Variants in OPCML observed in about 807,000 individuals in gnomAD.
OPCML encodes opioid-binding protein/cell adhesion molecule.
OPCML carries 13 observed loss-of-function variants against 37.8 expected under a neutral mutation model. The ratio of observed to expected loss-of-function variants is 0.34; its 90% CI spans 0.22 to 0.55. The LOEUF is 0.55. Among genes scored for constraint, OPCML ranks in the 20% least tolerant of loss-of-function variants. OPCML has a pLI of 0.91. For missense variants in OPCML, 341 were observed against 435.6 expected, an observed-to-expected ratio of 0.78 and a Z score of 1.93; for synonymous variants, 176 against 168.8, an observed-to-expected ratio of 1.04 and a Z score of -0.33.
At chr11:133,467,187 C>T (rs924911816) in intron 1 of OPCML, among the ~76,000 whole-genome samples, 2 of 152,146 alleles carry the variant, frequency 1.3e-5, no homozygotes, top group Non-Finnish European at 2.9e-5. Flanking sequence ...ACTGCCAGGC[C>T]CAATGCTGGG....
chr11:133,149,575 C>T (rs963092582), intron 1 of OPCML, among the ~76,000 whole-genome samples: 1 of 152,214 alleles, frequency 6.6e-6, no homozygotes, highest in Non-Finnish European at 1.5e-5. Context: ...ATTCTCTCAA[C>T]CCCCACCCGC....
intron 2 of OPCML, among the ~76,000 whole-genome samples, chr11:132,900,821 A>G (rs1944035041): frequency 6.6e-6 from 1 of 152,130 alleles, no homozygotes; most frequent in Non-Finnish European, 1.5e-5. Flanking sequence ...CAAATTGGCA[A>G]CAGGCAGTTC....
intron 3 of OPCML, among the ~76,000 whole-genome samples, chr11:132,605,423 G>C (rs962928884): frequency 5.3e-5 from 8 of 151,892 alleles, no homozygotes; most frequent in African/African-American, 1.9e-4. Context: ...AGTTAGCTGA[G>C]TGTGATGGCA....
chr11:133,363,249 G>A (rs1186506237), intron 1 of OPCML, among the ~76,000 whole-genome samples: 1 of 152,202 alleles, frequency 6.6e-6, no homozygotes, highest in Non-Finnish European at 1.5e-5. Flanking sequence ...TGGAGACAGC[G>A]CTTCCTACAC....
chr11:132,904,775 G>A (rs537956999), intron 2 of OPCML, among the ~76,000 whole-genome samples: 10 of 152,330 alleles, frequency 6.6e-5, no homozygotes, highest in South Asian at 2.1e-4. Flanking sequence ...TTAGCAGCCC[G>A]CACCCTGGGC....
intron 2 of OPCML, among the ~76,000 whole-genome samples, chr11:132,663,548 G>C (rs1449862750): frequency 1.3e-5 from 2 of 152,198 alleles, no homozygotes; most frequent in Non-Finnish European, 2.9e-5. Context: ...TTGCACCTGT[G>C]TTCACCACAC....
At chr11:132,912,157 T>TAA (rs11390129) in intron 2 of OPCML, among the ~76,000 whole-genome samples, 17,825 of 147,576 alleles carry the variant, frequency 0.12, 3,509 homozygotes, top group African/African-American at 0.41. Context: ...AAGACTCCAA[T>TAA]AAAAAAAAAA....
At chr11:133,229,354 T>A (rs1040745814) in intron 1 of OPCML, among the ~76,000 whole-genome samples, 1 of 152,230 alleles carries the variant, frequency 6.6e-6, no homozygotes, top group Non-Finnish European at 1.5e-5. Flanking sequence ...ATTGTCTTGG[T>A]ATTGCAGTGT....
intron 3 of OPCML, among the ~76,000 whole-genome samples, chr11:132,651,332 A>T (rs1941417975): frequency 6.6e-6 from 1 of 152,204 alleles, no homozygotes. Context: ...CTGGTCTTGG[A>T]AAGGTGTGCC....
chr11:133,200,821 A>G (rs1015129406), intron 1 of OPCML, among the ~76,000 whole-genome samples: 1 of 152,260 alleles, frequency 6.6e-6, no homozygotes, highest in Non-Finnish European at 1.5e-5. Flanking sequence ...CCATAAAGAC[A>G]TATACACCCA....
At chr11:132,685,948 G>A (rs182312831) in intron 2 of OPCML, among the ~76,000 whole-genome samples, 22 of 152,266 alleles carry the variant, frequency 1.4e-4, no homozygotes, top group African/African-American at 4.6e-4. Flanking sequence ...GAACAACAAC[G>A]TCCTTTGGGC....
At chr11:132,786,043 G>A (rs1256405844) in intron 2 of OPCML, among the ~76,000 whole-genome samples, 1 of 152,076 alleles carries the variant, frequency 6.6e-6, no homozygotes, top group Admixed American at 6.6e-5. Flanking sequence ...AATATCAAAG[G>A]TTCTCTTTAC....
At chr11:132,682,042 T>C (rs1942967907) in intron 2 of OPCML, among the ~76,000 whole-genome samples, 1 of 151,982 alleles carries the variant, frequency 6.6e-6, no homozygotes, top group Admixed American at 6.5e-5. Flanking sequence ...AAAGGAGCGC[T>C]GTAACACGTG....
chr11:132,792,286 CAA>C (rs1937968431), intron 2 of OPCML, among the ~76,000 whole-genome samples: 1 of 150,290 alleles, frequency 6.7e-6, no homozygotes, highest in South Asian at 2.1e-4. Context: ...TCTCCACTGC[CAA>C]AGAGAAAAAA....
At chr11:133,364,359 T>C (rs952216565) in intron 1 of OPCML, among the ~76,000 whole-genome samples, 8 of 152,344 alleles carry the variant, frequency 5.3e-5, no homozygotes, top group African/African-American at 1.7e-4. Flanking sequence ...ACAGTGCTAA[T>C]ACACATTAAC....
chr11:132,850,418 G>A (rs776220534), intron 2 of OPCML, among the ~76,000 whole-genome samples: 24 of 152,116 alleles, frequency 1.6e-4, no homozygotes, highest in Admixed American at 2.0e-4. Context: ...CTTGGAACAC[G>A]TTAAAACGCA....
At chr11:133,508,399 C>T (rs1948084614) in intron 1 of OPCML, among the ~76,000 whole-genome samples, 1 of 152,240 alleles carries the variant, frequency 6.6e-6, no homozygotes, top group Non-Finnish European at 1.5e-5. Flanking sequence ...TCTTCTTTCT[C>T]TGAGCCTTTA....
At chr11:133,257,669 A>G (rs568138634) in intron 1 of OPCML, among the ~76,000 whole-genome samples, 5 of 152,236 alleles carry the variant, frequency 3.3e-5, no homozygotes, top group South Asian at 2.1e-4. Context: ...TTTTGTTGCA[A>G]CGTATCTTGT....
At chr11:133,083,433 G>A (rs908494141) in intron 1 of OPCML, among the ~76,000 whole-genome samples, 4 of 152,178 alleles carry the variant, frequency 2.6e-5, no homozygotes, top group African/African-American at 9.6e-5. Flanking sequence ...GCCTGAGGGA[G>A]CCAACCCCAC....
Sources: allele counts gnomAD v4.1 joint callset (sites outside exome capture counted in the v4.1 genomes callset), GRCh38; gene constraint gnomAD v4.1.1; transcripts MANE v1.5; gene names NCBI Gene and HGNC (gene_info 2026-07-23, HGNC 2026-07-21).